The following ADAM18 variants were observed in gnomAD, a reference collection of about 807,000 sequenced individuals.
ADAM18 encodes ADAM metallopeptidase domain 18.
ADAM18 carries 117 observed loss-of-function variants against 94.4 expected under a neutral mutation model. The ratio of observed to expected loss-of-function variants is 1.24; its 90% CI spans 1.07 to 1.45. The LOEUF (loss-of-function observed/expected upper bound fraction) is 1.45, where lower values mean the gene tolerates loss of function less well. Ranked by LOEUF, ADAM18 falls within the 40% of genes most tolerant of loss-of-function variation. The pLI is 0.00. For synonymous variants in ADAM18, 327 were observed against 291.6 expected, an observed-to-expected ratio of 1.12 and a Z score of -1.24; for missense variants, 936 against 880.0, an observed-to-expected ratio of 1.06 and a Z score of -0.81.
intron 2 of ADAM18, among the ~76,000 whole-genome samples, chr8:39,589,343 A>G (rs1285378798): frequency 6.6e-6 from 1 of 152,162 alleles, no homozygotes; most frequent in Non-Finnish European, 1.5e-5. Context: ...GGAATCATAA[A>G]TGTCTGCACA....
At chr8:39,650,935 C>A (rs1820515781) in intron 12 of ADAM18, among the ~76,000 whole-genome samples, 1 of 152,086 alleles carries the variant, frequency 6.6e-6, no homozygotes, top group Non-Finnish European at 1.5e-5. Context: ...ATACAGAGGA[C>A]CTGCGCTGGC....
At chr8:39,621,141 A>C (rs1819602772) in intron 6 of ADAM18, among the ~76,000 whole-genome samples, 1 of 152,166 alleles carries the variant, frequency 6.6e-6, no homozygotes, top group Admixed American at 6.5e-5. Flanking sequence ...ACTGAAAAGG[A>C]CATAGACATG....
intron 2 of ADAM18, among the ~76,000 whole-genome samples, chr8:39,593,094 C>T (rs2129458081): frequency 6.6e-6 from 1 of 152,276 alleles, no homozygotes; most frequent in Middle Eastern, 3.4e-3. Flanking sequence ...CTGTTAGCTT[C>T]ACTCTTTTCT....
intron 12 of ADAM18, among the ~76,000 whole-genome samples, chr8:39,657,782 T>C (rs1820728546): frequency 6.6e-6 from 1 of 152,208 alleles, no homozygotes; most frequent in African/African-American, 2.4e-5. Context: ...TTGGAAATTG[T>C]ATTTTGAATG....
chr8:39,721,188 CA>C (rs1822734544), intron 18 of ADAM18, among the ~76,000 whole-genome samples: 1 of 151,534 alleles, frequency 6.6e-6, no homozygotes, highest in Non-Finnish European at 1.5e-5. Flanking sequence ...TCACCCTATT[CA>C]ATAAATGGTG....
chr8:39,647,656 G>A (rs967179056), intron 11 of ADAM18, among the ~76,000 whole-genome samples: 5 of 151,992 alleles, frequency 3.3e-5, no homozygotes, highest in Non-Finnish European at 5.9e-5. Flanking sequence ...GACAATACCC[G>A]GCTTTCCAGG....
rs376551939 is a variant in ADAM18 at position 39,636,040 on chromosome 8, A to G, written c.589-1224A>G. 7.3e-4 allele frequency among the ~76,000 whole-genome samples: 104 copies of G among 143,128 alleles called. No homozygotes were observed. The East Asian group carries it at 0.017, about 24-fold the overall frequency. The allele number at this position is 143,128 out of a possible 152,430, so 93.9% of individuals were successfully genotyped here. A position where few individuals can be genotyped will look rare whatever the true frequency, so the allele number is the denominator to read the frequency against. On this transcript the variant is annotated intron_variant, in intron 7 of 19. Transcript: ENST00000265707. ...TTTTTTTTGAGAGAGAGAGAGAGAG[A>G]GGGGGCCTCACTCTCTCATGCAGCC...
At chr8:39,668,808 A>G (rs1821065685) in intron 14 of ADAM18, among the ~76,000 whole-genome samples, 3 of 152,074 alleles carry the variant, frequency 2.0e-5, no homozygotes, top group Non-Finnish European at 4.4e-5. Flanking sequence ...TACCCAGTGA[A>G]ATGCATATAT....
At chr8:39,669,986 GA>G (rs1313361689) in intron 14 of ADAM18, among the ~76,000 whole-genome samples, 4 of 152,116 alleles carry the variant, frequency 2.6e-5, no homozygotes, top group Non-Finnish European at 5.9e-5. Flanking sequence ...GTTTTTTCCT[GA>G]CTTTTTAATG....
At chr8:39,694,034 G>T (rs1821853729) in intron 17 of ADAM18, among the ~76,000 whole-genome samples, 1 of 151,048 alleles carries the variant, frequency 6.6e-6, no homozygotes, top group Non-Finnish European at 1.5e-5. Flanking sequence ...TTCATTAGTT[G>T]CCATGAACAT....
chr8:39,592,064 C>G (rs577911746), intron 2 of ADAM18, among the ~76,000 whole-genome samples: 1 of 152,094 alleles, frequency 6.6e-6, no homozygotes, highest in African/African-American at 2.4e-5. Context: ...ATTTAGTAAA[C>G]CATATTATAG....
At chr8:39,691,790 T>C (rs1380155495) in intron 16 of ADAM18, among the ~76,000 whole-genome samples, 2 of 151,994 alleles carry the variant, frequency 1.3e-5, no homozygotes, top group Non-Finnish European at 2.9e-5. Flanking sequence ...CTTGGATATC[T>C]TTTTATTTTT....
At chr8:39,679,881 T>C (rs1821396109) in intron 15 of ADAM18, among the ~76,000 whole-genome samples, 156 bp from the exon 16 acceptor site, 2 of 152,312 alleles carry the variant, frequency 1.3e-5, no homozygotes, top group African/African-American at 4.8e-5. Context: ...GACAGTTGCA[T>C]TTAGTTGTTG....
At chr8:39,679,180 C>A (rs1821374515) in intron 15 of ADAM18, among the ~76,000 whole-genome samples, 1 of 152,068 alleles carries the variant, frequency 6.6e-6, no homozygotes, top group Non-Finnish European at 1.5e-5. Flanking sequence ...TCTGAAAAAG[C>A]CTCAAATGAT....
chr8:39,619,002 C>T (rs777937735), intron 6 of ADAM18, among the ~76,000 whole-genome samples: 1 of 152,022 alleles, frequency 6.6e-6, no homozygotes, highest in Non-Finnish European at 1.5e-5. Context: ...CAGGGGGTCT[C>T]CCTACAAATT....
At chr8:39,708,333 A>G (rs1465033292) in intron 18 of ADAM18, among the ~76,000 whole-genome samples, 1 of 152,192 alleles carries the variant, frequency 6.6e-6, no homozygotes, top group Non-Finnish European at 1.5e-5. Context: ...ATAAGTTTCA[A>G]CAAATGTCAT....
intron 16 of ADAM18, among the ~76,000 whole-genome samples, chr8:39,688,453 C>T (rs1339700012): frequency 6.6e-6 from 1 of 152,036 alleles, no homozygotes; most frequent in African/African-American, 2.4e-5. Flanking sequence ...TCTCATTATT[C>T]AGCTCCCACT....
intron 16 of ADAM18, chr8:39,685,239 G>A (rs1821578279): frequency 6.6e-6 from 1 of 152,280 alleles, no homozygotes; most frequent in Non-Finnish European, 1.5e-5. Flanking sequence ...TGTTCATTCT[G>A]GGCCCTTGTA....
At chr8:39,636,001 G>GTTTTTTTTTTTTTTTTT (rs199533879) in intron 7 of ADAM18, among the ~76,000 whole-genome samples, 1 of 141,812 alleles carries the variant, frequency 7.1e-6, no homozygotes, top group Admixed American at 7.1e-5. Flanking sequence ...TAACCATTAA[G>GTTTTTTTTTTTTTTTTT]TTTTTTTGTT....
Sources: gnomAD v4.1 joint callset for allele counts (sites outside exome capture counted in the v4.1 genomes callset) on GRCh38, gnomAD v4.1.1 for gene constraint, MANE v1.5 for transcripts, NCBI Gene and HGNC (gene_info 2026-07-23, HGNC 2026-07-21) for gene names.